The following COBL variants were observed in gnomAD, a reference collection of about 807,000 sequenced individuals.
COBL encodes protein cordon-bleu.
A neutral mutation model predicts 98.8 loss-of-function variants in COBL; 51 were observed. The observed-to-expected ratio is 0.52, with a 90% CI of 0.41 to 0.65. The LOEUF (loss-of-function observed/expected upper bound fraction) is 0.65, where lower values mean the gene tolerates loss of function less well. Ranked by LOEUF, COBL falls within the 30% of genes least tolerant of loss-of-function variation. The pLI is 0.00. For synonymous variants in COBL, 634 were observed against 651.7 expected (o/e 0.97, Z 0.41); for missense variants, 1,617 against 1,617.5 (o/e 1.00, Z 0.01).
intron 6 of COBL, among the ~76,000 whole-genome samples, chr7:51,086,984 A>AT (rs35617183): frequency 0.23 from 33,920 of 148,756 alleles, 4,697 homozygotes; most frequent in Non-Finnish European, 0.31. Flanking sequence ...AGCATTTCAC[A>AT]TTTTTTTTTT....
At chr7:51,237,635 T>C (rs1795396087) in intron 1 of COBL, among the ~76,000 whole-genome samples, 1 of 151,756 alleles carries the variant, frequency 6.6e-6, no homozygotes, top group African/African-American at 2.4e-5. Context: ...AAGTTTAATG[T>C]AGTATTATTA....
intron 1 of COBL, among the ~76,000 whole-genome samples, chr7:51,302,272 A>AT (rs1214878819): frequency 6.6e-6 from 1 of 152,148 alleles, no homozygotes; most frequent in Non-Finnish European, 1.5e-5. Context: ...AAGACCATTA[A>AT]TTTTTTTCCT....
chr7:51,293,167 C>A (rs1445836010), intron 1 of COBL, among the ~76,000 whole-genome samples: 1 of 152,108 alleles, frequency 6.6e-6, no homozygotes, highest in African/African-American at 2.4e-5. Flanking sequence ...TTTGTTTTCA[C>A]CAAATTACTT....
chr7:51,266,264 G>T (rs549395140), intron 1 of COBL, among the ~76,000 whole-genome samples: 1 of 152,258 alleles, frequency 6.6e-6, no homozygotes, highest in South Asian at 2.1e-4. Context: ...CTTAATTTCT[G>T]ACTTTTTAGT....
intron 6 of COBL, among the ~76,000 whole-genome samples, chr7:51,133,723 G>A (rs766790770): frequency 6.6e-6 from 1 of 152,180 alleles, no homozygotes; most frequent in Non-Finnish European, 1.5e-5. Flanking sequence ...GATCTGAGAA[G>A]AGCATTCGGT....
intron 2 of COBL, among the ~76,000 whole-genome samples, chr7:51,211,812 C>G (rs1563044542): frequency 6.6e-6 from 1 of 152,162 alleles, no homozygotes; most frequent in Non-Finnish European, 1.5e-5. Context: ...CAGGGATGAT[C>G]CCATAGGATC....
At chr7:51,294,568 G>A (rs1475752942) in intron 1 of COBL, among the ~76,000 whole-genome samples, 1 of 151,136 alleles carries the variant, frequency 6.6e-6, no homozygotes, top group African/African-American at 2.4e-5. Context: ...ACTTGTGCCT[G>A]GGAGGCAGAA....
chr7:51,302,442 G>A (rs1802063058), intron 1 of COBL, among the ~76,000 whole-genome samples: 1 of 152,042 alleles, frequency 6.6e-6, no homozygotes, highest in African/African-American at 2.4e-5. Flanking sequence ...TTAGCCAGAT[G>A]TGGTGGTGCA....
At chr7:51,205,503 GAA>G (rs542885445) in intron 2 of COBL, among the ~76,000 whole-genome samples, 2 of 140,238 alleles carry the variant, frequency 1.4e-5, no homozygotes, top group African/African-American at 2.6e-5. Flanking sequence ...ACTCTATACA[GAA>G]AAAAAAAAAC....
rs1251956456 is a variant in COBL at position 51,043,406 on chromosome 7, A to G, written c.1383T>C (p.Asn461=). 1 of 1,614,122 alleles carries G rather than the reference A, an allele frequency of 6.2e-7. No individual in the cohort carries two copies. Among genetic ancestry groups the G allele is most frequent in the South Asian group, 1.1e-5 (1 of 91,076 alleles). The change falls in exon 8 of 13, where the codon AAT becomes AAC. Residue 461 remains asparagine, a synonymous_variant. Coordinates refer to ENST00000265136, the MANE Select transcript of COBL (RefSeq NM_015198.5). ...ACCTCAGATGTGAGTTCTCAGAGCC[A>G]TTCTTCTCCCACAAGGGGCTCTTCT... ...GPQKSPLWEK[N]GSENSHLRTE...
intron 1 of COBL, among the ~76,000 whole-genome samples, chr7:51,309,521 G>A (rs961970526): frequency 2.0e-5 from 3 of 152,320 alleles, no homozygotes; most frequent in Admixed American, 6.5e-5. Flanking sequence ...GGCAAGCTGA[G>A]TCCAAGCACA....
chr7:51,140,540 GGTGT>G (rs1799640345), intron 5 of COBL, among the ~76,000 whole-genome samples: 1 of 151,964 alleles, frequency 6.6e-6, no homozygotes, highest in Non-Finnish European at 1.5e-5. Context: ...TGTATGCATG[GGTGT>G]GTGTGTGCGT....
At chr7:51,245,471 T>C (rs530930013) in intron 1 of COBL, among the ~76,000 whole-genome samples, 15 of 152,366 alleles carry the variant, frequency 9.8e-5, no homozygotes, top group East Asian at 9.6e-4. Flanking sequence ...CTCCCTTGGA[T>C]TGGACAATTC....
intron 1 of COBL, among the ~76,000 whole-genome samples, chr7:51,244,151 G>A (rs1472823032): frequency 6.6e-6 from 1 of 152,156 alleles, no homozygotes; most frequent in Non-Finnish European, 1.5e-5. Flanking sequence ...GCTCCAGGAT[G>A]AAACCCAGTG....
chr7:51,086,915 C>G (rs1256327769), intron 6 of COBL, among the ~76,000 whole-genome samples: 1 of 151,870 alleles, frequency 6.6e-6, no homozygotes, highest in Non-Finnish European at 1.5e-5. Flanking sequence ...AAGTAAATAA[C>G]CCCATAAAGA....
At chr7:51,222,234 T>C (rs1793724376) in intron 1 of COBL, among the ~76,000 whole-genome samples, 1 of 151,986 alleles carries the variant, frequency 6.6e-6, no homozygotes, top group African/African-American at 2.4e-5. Flanking sequence ...GATCTCATCC[T>C]CTGCTATAAG....
At position 51,092,705 on chromosome 7, in the gene COBL, G is replaced by A. The variant is rs745642317; in HGVS notation, c.958-7401C>T. On this transcript the variant is annotated intron_variant, in intron 6 of 12. Transcript: ENST00000265136. ...ATTGACTACAATAGCTTTACATTTCGAAATCAGGGAGTGTGATGCCTCCAC... is the reference window on the plus strand; with the variant it reads ...ATTGACTACAATAGCTTTACATTTCAAAATCAGGGAGTGTGATGCCTCCAC... Among the ~76,000 whole-genome samples the A allele has an allele frequency of 4.6e-5, 7 of 152,174 alleles. No individual in the cohort carries two copies. The South Asian group carries it at 6.2e-4, about 14-fold the overall frequency.
At chr7:51,157,045 T>C (rs1786220391) in intron 5 of COBL, among the ~76,000 whole-genome samples, 1 of 152,164 alleles carries the variant, frequency 6.6e-6, no homozygotes, top group Non-Finnish European at 1.5e-5. Flanking sequence ...TATTGCCTCA[T>C]CTGCCCCAAT....
At position 51,029,326 on chromosome 7, in the gene COBL, ATGGGGC is replaced by A; in HGVS notation, c.1764_1769del (p.Gln588_Pro589del). On this transcript the variant is annotated inframe_deletion, in exon 10 of 13. Transcript: ENST00000265136. ...CAGGTACTTCCTCCCTTGCCTTTTC[ATGGGGC>A]TGGCTGTGCTCAGCTTGAAGTGGCG... The A allele has an allele frequency of 2.5e-6, 4 of 1,601,630 alleles. No homozygotes were observed. Among genetic ancestry groups the A allele is most frequent in the Non-Finnish European group, 3.4e-6 (4 of 1,172,764 alleles).
Sources: allele counts gnomAD v4.1 joint callset (sites outside exome capture counted in the v4.1 genomes callset), GRCh38; gene constraint gnomAD v4.1.1; transcripts MANE v1.5; gene names NCBI Gene and HGNC (gene_info 2026-07-23, HGNC 2026-07-21).